The following ATP1A2 variants were observed in gnomAD, a reference collection of about 807,000 sequenced individuals.
ATP1A2 encodes sodium/potassium-transporting ATPase subunit alpha-2.
Under a neutral mutation model 113.1 loss-of-function variants are expected in ATP1A2, and 56 were observed. That is an observed-to-expected ratio of 0.49 (90% CI 0.40 to 0.62). The LOEUF (loss-of-function observed/expected upper bound fraction) is 0.62. ATP1A2 is among the 20% of genes least tolerant of loss of function. The pLI is 0.00. For synonymous variants in ATP1A2, 490 were observed against 526.8 expected (o/e 0.93, Z 0.96); for missense variants, 712 against 1,357.8 (o/e 0.52, Z 7.47).
chr1:160,117,850 GC>G (rs1015357139), intron 1 of ATP1A2, among the ~76,000 whole-genome samples: 6 of 151,910 alleles, frequency 3.9e-5, no homozygotes, highest in African/African-American at 1.5e-4. Context: ...ATTCCCAGCT[GC>G]CCCCACTCTG....
intron 17 of ATP1A2, 106 bp from the exon 18 acceptor site, chr1:160,136,140 CG>C: frequency 6.2e-7 from 1 of 1,601,016 alleles, no homozygotes; most frequent in East Asian, 2.2e-5. Context: ...TCTGAATACA[CG>C]CTTTTTTAAC....
chr1:160,140,550 C>T (rs563258316), intron 22 of ATP1A2: 11 of 169,100 alleles, frequency 6.5e-5, no homozygotes, highest in Admixed American at 3.3e-4. Context: ...TTAATTGGTC[C>T]GATATAGAAA....
rs559006118 is a variant in ATP1A2, at chr1:160,134,374, T to C, written c.1828-110T>C. 6.6e-5 allele frequency: 100 copies of C among 1,522,828 alleles called. No homozygotes were observed. The Middle Eastern group carries it at 2.0e-3, about 30-fold the overall frequency. The allele number at this position is 1,522,828 out of a possible 1,614,324, so 94.3% of individuals were successfully genotyped here. ...ACATGCCCTTATTTCGGTTGGGATCTGCCATCCCCAGACATCTCGCTATCT... is the reference window on the plus strand; with the variant it reads ...ACATGCCCTTATTTCGGTTGGGATCCGCCATCCCCAGACATCTCGCTATCT... On this transcript the variant is annotated intron_variant, in intron 13 of 22. Coordinates refer to ENST00000361216, the MANE Select transcript of ATP1A2 (RefSeq NM_000702.4).
chr1:160,123,525 C>A, intron 4 of ATP1A2, 109 bp downstream of exon 4: 1 of 1,378,998 alleles, frequency 7.3e-7, no homozygotes, highest in Admixed American at 1.7e-5. Context: ...AACAGTCCTA[C>A]AGATGCCCCT....
chr1:160,135,556 C>T lies in ATP1A2; in HGVS notation c.2238C>T (p.Ile746=), dbSNP rs146541080. Reference sequence around the variant, plus strand: ...TCTCTAAGCAGGCAGCCGACATGATCCTGCTGGATGACAACTTTGCCTCCA... The same window carrying T: ...TCTCTAAGCAGGCAGCCGACATGATTCTGCTGGATGACAACTTTGCCTCCA... ...SDVSKQAADM[I]LLDDNFASIV... Residue 746 remains isoleucine (I), a synonymous_variant, in exon 16 of 23, where the codon ATC becomes ATT. Coordinates refer to ENST00000361216, the MANE Select transcript of ATP1A2 (RefSeq NM_000702.4). The surrounding 1 kb of genome is among the most constrained non-coding windows in gnomAD (Gnocchi z 6.3). 6.2e-7 allele frequency: 1 copy of T among 1,614,138 alleles called. No homozygotes were observed. Among genetic ancestry groups the T allele is most frequent in the East Asian group, 2.2e-5 (1 of 44,888 alleles).
intron 19 of ATP1A2, 49 bp downstream of exon 19, chr1:160,136,764 G>T (rs1303436424): frequency 6.2e-7 from 1 of 1,614,028 alleles, no homozygotes; most frequent in Non-Finnish European, 8.5e-7. Context: ...GGTACGGGAA[G>T]CTGAATGCCT....
Position 160,124,069 on chromosome 1 carries a change from G to T in ATP1A2, c.495+13G>T. The T allele has an allele frequency of 1.2e-6, 2 of 1,613,556 alleles. No individual in the cohort carries two copies. The highest frequency in any genetic ancestry group is 2.2e-5 in the South Asian group (2 of 91,068). On this transcript the variant is annotated intron_variant, in intron 5 of 22. Coordinates refer to ENST00000361216, the MANE Select transcript of ATP1A2 (RefSeq NM_000702.4). ...CATGGTACCTCAGGTAAGATGGCAG[G>T]GCTGGGCTCTGGGCTAGGCTGTAAG...
rs957987617 is a variant in ATP1A2, at chr1:160,141,583, T to G, written c.*261T>G. The G allele has an allele frequency of 5.5e-6, 3 of 542,860 alleles. No individual in the cohort carries two copies. The African/African-American group carries it at 5.7e-5, about 10-fold the overall frequency. The allele number at this position is 542,860 out of a possible 1,614,324, so 33.6% of individuals were successfully genotyped here. On this transcript the variant is annotated 3_prime_UTR_variant, in exon 23 of 23. Coordinates refer to ENST00000361216, the MANE Select transcript of ATP1A2 (RefSeq NM_000702.4). ...CCTTTTCCATCCCACTCCACTATGT[T>G]GTCTATTTTTTCTGAGGAATTAAGG...
At chr1:160,137,169 C>T (rs1651979464) in intron 20 of ATP1A2, 138 bp downstream of exon 20, 3 of 1,406,358 alleles carry the variant, frequency 2.1e-6, no homozygotes, top group South Asian at 2.3e-5. Context: ...TCTGTATATC[C>T]ATAGATAGGT....
At position 160,115,845 on chromosome 1, in the gene ATP1A2, A is replaced by G; in HGVS notation, c.-17A>G. ...GTGACCTCTCCCGCTAAGGTCCCTCAGCCACTCTGCCCCAAGATGGGCCGT... is the reference window on the plus strand; with the variant it reads ...GTGACCTCTCCCGCTAAGGTCCCTCGGCCACTCTGCCCCAAGATGGGCCGT... On this transcript the variant is annotated 5_prime_UTR_variant, in exon 1 of 23. Coordinates refer to ENST00000361216, the MANE Select transcript of ATP1A2 (RefSeq NM_000702.4). 6.3e-7 allele frequency: 1 copy of G among 1,595,960 alleles called. No individual in the cohort carries two copies. The highest frequency in any genetic ancestry group is 8.5e-7 in the Non-Finnish European group (1 of 1,171,434).
rs1322861091 is a variant in ATP1A2, at chr1:160,135,155, G to T, written c.1975G>T (p.Ala659Ser). 3.1e-6 allele frequency: 5 copies of T among 1,614,128 alleles called. No individual in the cohort carries two copies. The highest frequency in any genetic ancestry group is 4.2e-6 in the Non-Finnish European group (5 of 1,180,034). The change falls in exon 15 of 23, where the codon GCA (alanine) becomes TCA (serine). Residue 659 changes from alanine (A) to serine (S), a missense_variant. Ala to Ser is a moderately conservative substitution (Grantham distance 99). Coordinates refer to ENST00000361216, the MANE Select transcript of ATP1A2 (RefSeq NM_000702.4). This position sits in a 1 kb window ranked among gnomAD's most constrained non-coding sequence, Gnocchi z 6.3. ...CCACCCACCCTCCAGAGAAGCCAAG[G>T]CATGCGTGGTGCACGGCTCTGACCT... The part of the protein sequence containing the change: ...MSQVNPREAK[A>S]CVVHGSDLKD...
Position 160,135,912 on chromosome 1 carries a change from C to T in ATP1A2, c.2358C>T (p.Pro786=), listed in dbSNP as rs1651921979. 4 of 1,614,150 alleles carry T rather than the reference C, an allele frequency of 2.5e-6. No individual in the cohort carries two copies. Among genetic ancestry groups the T allele is most frequent in the Non-Finnish European group, 3.4e-6 (4 of 1,180,012 alleles). Reference sequence around the variant, plus strand: ...CCAGCAACATCCCCGAGATCACCCCCTTCCTGCTGTTCATCATTGCCAACA... The same window carrying T: ...CCAGCAACATCCCCGAGATCACCCCTTTCCTGCTGTTCATCATTGCCAACA... ...TLTSNIPEIT[P]FLLFIIANIP... The change falls in exon 17 of 23, where the codon CCC becomes CCT. Residue 786 remains proline (P), a synonymous_variant. Transcript: ENST00000361216. The surrounding 1 kb of genome is among the most constrained non-coding windows in gnomAD (Gnocchi z 6.3).
chr1:160,134,725 A>C, intron 14 of ATP1A2, 105 bp downstream of exon 14: 5 of 1,531,820 alleles, frequency 3.3e-6, no homozygotes, highest in Non-Finnish European at 3.6e-6. Context: ...TGGGACCTTT[A>C]TAGGCCTTAC....
At position 160,128,794 on chromosome 1, in the gene ATP1A2, C is replaced by T. The variant is rs1651667301; in HGVS notation, c.1160C>T (p.Ala387Val). 6.2e-7 allele frequency: 1 copy of T among 1,614,134 alleles called. No individual in the cohort carries two copies. The highest frequency in any genetic ancestry group is 8.5e-7 in the Non-Finnish European group (1 of 1,180,026). ...CTCACCCAGAACCGCATGACCGTCG[C>T]CCACATGTGGTTCGACAACCAAATC... is the stretch of plus-strand genomic sequence containing the variant. Reference protein sequence around the residue: ...GTLTQNRMTVAHMWFDNQIHE... With the variant: ...GTLTQNRMTVVHMWFDNQIHE... The change falls in exon 9 of 23, where the codon GCC becomes GTC. Residue 387 changes from alanine (A) to valine (V), a missense_variant. Physicochemically the swap from Ala to Val is moderately conservative, Grantham distance 64 (BLOSUM62 0). Transcript: ENST00000361216.
chr1:160,119,469 A>C (rs1346427705), intron 1 of ATP1A2, among the ~76,000 whole-genome samples: 1 of 152,066 alleles, frequency 6.6e-6, no homozygotes, highest in African/African-American at 2.4e-5. Context: ...TTCCTGAGGG[A>C]AGTGGGAGGA....
rs568516169 is a variant in ATP1A2 at position 160,133,767 on chromosome 1, G to A, written c.1828-717G>A. Among the ~76,000 whole-genome samples, 5 of 152,184 alleles carry A rather than the reference G, an allele frequency of 3.3e-5. No individual in the cohort carries two copies. In the South Asian group the frequency reaches 1.0e-3, roughly 32 times the overall value. On this transcript the variant is annotated intron_variant, in intron 13 of 22. Coordinates refer to ENST00000361216, the MANE Select transcript of ATP1A2 (RefSeq NM_000702.4). The stretch of plus-strand genomic sequence containing the variant: ...GTTTCCTCATGTGTAAAATAAAGGA[G>A]TTGTTAAAGGGTCCTTCCAGCTCTG...
intron 7 of ATP1A2, among the ~76,000 whole-genome samples, chr1:160,126,736 G>T (rs1042923789): frequency 6.6e-6 from 1 of 152,142 alleles, no homozygotes; most frequent in Non-Finnish European, 1.5e-5. Context: ...CTCCCAAAGT[G>T]CTGGGATTAC....
At chr1:160,134,763 A>G (rs1651882094) in intron 14 of ATP1A2, 143 bp downstream of exon 14, 2 of 1,273,356 alleles carry the variant, frequency 1.6e-6, no homozygotes, top group Non-Finnish European at 2.2e-6. Context: ...CTGGTTCCTC[A>G]GCCCTGAGCT....
At chr1:160,123,444 A>G (rs750323971) in intron 4 of ATP1A2, 28 bp downstream of exon 4, 69 of 1,613,846 alleles carry the variant, frequency 4.3e-5, no homozygotes, top group Non-Finnish European at 5.8e-5. Context: ...ACCCGGGAAC[A>G]GCCCGTGACT....
Sources: allele counts gnomAD v4.1 joint callset (sites outside exome capture counted in the v4.1 genomes callset), GRCh38; gene constraint gnomAD v4.1.1; non-coding constraint Gnocchi (gnomAD v3.1); transcripts MANE v1.5; gene names NCBI Gene and HGNC (gene_info 2026-07-23, HGNC 2026-07-21).